Variants in RARB observed in about 807,000 individuals in gnomAD.
RARB encodes HBV-activated protein.
RARB carries 17 observed loss-of-function variants against 51.9 expected under a neutral mutation model. That is an observed-to-expected ratio of 0.33 (90% CI 0.22 to 0.49). RARB has a LOEUF of 0.49. Ranked by LOEUF, RARB falls within the 20% of genes least tolerant of loss-of-function variation. The pLI is 0.99. For synonymous variants in RARB, 215 were observed against 195.4 expected, an observed-to-expected ratio of 1.10 and a Z score of -0.84; for missense variants, 369 against 550.8, an observed-to-expected ratio of 0.67 and a Z score of 3.30.
At chr3:25,199,414 C>T (rs548847497) in intron 5 of RARB, among the ~76,000 whole-genome samples, 11 of 151,846 alleles carry the variant, frequency 7.2e-5, no homozygotes, top group Non-Finnish European at 1.3e-4. Context: ...TTACAGTCAA[C>T]AATAATTGTA....
At chr3:25,037,031 A>G (rs1698010773) in intron 2 of RARB, among the ~76,000 whole-genome samples, 1 of 152,188 alleles carries the variant, frequency 6.6e-6, no homozygotes. Flanking sequence ...GCTGGTTCCA[A>G]AAGAGTCAAG....
chr3:25,203,627 G>C (rs945561854), intron 5 of RARB, among the ~76,000 whole-genome samples: 2 of 152,132 alleles, frequency 1.3e-5, no homozygotes, highest in Non-Finnish European at 2.9e-5. Context: ...GGCAGGCCTG[G>C]TGGTGACAAA....
chr3:24,950,680 G>C (rs548375311), intron 2 of RARB, among the ~76,000 whole-genome samples: 1 of 150,486 alleles, frequency 6.6e-6, no homozygotes, highest in African/African-American at 2.5e-5. Flanking sequence ...GGAAGACCTA[G>C]GGTATAGGCA....
intron 2 of RARB, among the ~76,000 whole-genome samples, chr3:25,500,630 A>C (rs1417703233): frequency 6.6e-6 from 1 of 151,284 alleles, no homozygotes; most frequent in Non-Finnish European, 1.5e-5. Context: ...AGGCACGCAC[A>C]ACTGTGCCTG....
At chr3:25,122,269 T>C (rs1366255691) in intron 3 of RARB, among the ~76,000 whole-genome samples, 2 of 152,110 alleles carry the variant, frequency 1.3e-5, no homozygotes, top group Admixed American at 1.3e-4. Flanking sequence ...GCTTAACAAA[T>C]GGACAAATTG....
At chr3:24,931,897 C>T (rs574938109) in intron 2 of RARB, among the ~76,000 whole-genome samples, 4 of 152,040 alleles carry the variant, frequency 2.6e-5, no homozygotes, top group Admixed American at 1.3e-4. Flanking sequence ...TGACTCTGTG[C>T]TTCTGTTAGT....
At chr3:25,549,514 G>A (rs1027441495) in intron 3 of RARB, among the ~76,000 whole-genome samples, 2 of 152,140 alleles carry the variant, frequency 1.3e-5, no homozygotes, top group East Asian at 3.9e-4. Context: ...GAACCAACTC[G>A]GGGTAGTCAC....
At chr3:25,086,484 C>A (rs1699107855) in intron 3 of RARB, among the ~76,000 whole-genome samples, 1 of 152,120 alleles carries the variant, frequency 6.6e-6, no homozygotes, top group South Asian at 2.1e-4. Context: ...AGGAAAGAAT[C>A]AAACTCTGTA....
chr3:24,871,359 C>A (rs1298111191), intron 2 of RARB, among the ~76,000 whole-genome samples: 2 of 152,104 alleles, frequency 1.3e-5, no homozygotes, highest in Non-Finnish European at 2.9e-5. Context: ...CACTCTTCAT[C>A]CTATTTTAGC....
chr3:25,280,894 G>T (rs1424247960), intron 5 of RARB, among the ~76,000 whole-genome samples: 3 of 152,066 alleles, frequency 2.0e-5, no homozygotes, highest in African/African-American at 7.2e-5. Flanking sequence ...CTCGGAGTGG[G>T]TTTATGGGGA....
intron 2 of RARB, among the ~76,000 whole-genome samples, chr3:25,027,274 G>C (rs1697768613): frequency 6.6e-6 from 1 of 152,104 alleles, no homozygotes; most frequent in African/African-American, 2.4e-5. Context: ...GTTTTGATGG[G>C]GCAGCAAATT....
intron 1 of RARB, among the ~76,000 whole-genome samples, chr3:25,436,437 A>G (rs1708438608): frequency 6.6e-6 from 1 of 152,232 alleles, no homozygotes; most frequent in Non-Finnish European, 1.5e-5. Flanking sequence ...TATGTGATCA[A>G]TATTAACTGC....
chr3:25,248,981 G>T (rs1702638185), intron 5 of RARB, among the ~76,000 whole-genome samples: 1 of 151,950 alleles, frequency 6.6e-6, no homozygotes, highest in African/African-American at 2.4e-5. Flanking sequence ...TAAATTTCTT[G>T]CTAGACTTAG....
rs139614107 is a variant in RARB, at chr3:25,527,871, G to GC, written c.448+26554dup. Among the ~76,000 whole-genome samples, 1,169 of 152,068 alleles carry GC rather than the reference G, an allele frequency of 7.7e-3. 15 individuals carry two copies. Among genetic ancestry groups the GC allele is most frequent in the African/African-American group, 0.026 (1,091 of 41,498 alleles). On this transcript the variant is annotated intron_variant, in intron 3 of 7. Transcript: ENST00000330688. ...CCTCCAAAGAAAAGCCCTCCCCTTC[G>GC]CCCCCCACAGATTTTCTTGCTGTTT... is the stretch of plus-strand genomic sequence containing the variant.
chr3:25,530,427 A>G (rs1297108716), intron 3 of RARB, among the ~76,000 whole-genome samples: 1 of 152,162 alleles, frequency 6.6e-6, no homozygotes, highest in African/African-American at 2.4e-5. Context: ...TGACGTCCAC[A>G]ATGGGTCTCA....
At chr3:25,355,030 C>A (rs553490734) in intron 5 of RARB, among the ~76,000 whole-genome samples, 1 of 152,122 alleles carries the variant, frequency 6.6e-6, no homozygotes, top group African/African-American at 2.4e-5. Context: ...CAAGTTATAG[C>A]ACCTTGCTGG....
At chr3:24,920,813 C>G (rs969164961) in intron 2 of RARB, among the ~76,000 whole-genome samples, 1 of 152,188 alleles carries the variant, frequency 6.6e-6, no homozygotes. Context: ...CTCACTTTGT[C>G]AATCTACTTC....
intron 4 of RARB, among the ~76,000 whole-genome samples, chr3:25,161,446 C>A (rs1339631500): frequency 6.6e-6 from 1 of 152,076 alleles, no homozygotes; most frequent in Non-Finnish European, 1.5e-5. Flanking sequence ...CCTGTGGGGG[C>A]CATTCTGCTG....
At chr3:24,897,515 G>A (rs886899045) in intron 2 of RARB, among the ~76,000 whole-genome samples, 2 of 152,090 alleles carry the variant, frequency 1.3e-5, no homozygotes, top group South Asian at 2.1e-4. Flanking sequence ...TTTCAAATTC[G>A]ATAACTGTAA....
Sources: allele counts gnomAD v4.1 joint callset (sites outside exome capture counted in the v4.1 genomes callset), GRCh38; gene constraint gnomAD v4.1.1; transcripts MANE v1.5; gene names NCBI Gene and HGNC (gene_info 2026-07-23, HGNC 2026-07-21).